The following CEP83 variants were observed in gnomAD, a reference collection of about 807,000 sequenced individuals.
CEP83 encodes centrosomal protein 83, also known as centrosomal protein of 83 kDa.
In CEP83, 70 loss-of-function variants were observed where a neutral mutation model predicts 101.9. The observed-to-expected ratio is 0.69, with a 90% CI of 0.57 to 0.84. The LOEUF (loss-of-function observed/expected upper bound fraction) is 0.84. Among genes scored for constraint, CEP83 ranks in the 40% least tolerant of loss-of-function variants. The probability of loss-of-function intolerance (pLI) is 0.00; values close to 1 mark genes in which losing one functional copy is unlikely to be tolerated. For synonymous variants in CEP83, 264 were observed against 267.9 expected, an observed-to-expected ratio of 0.99 and a Z score of 0.14; for missense variants, 715 against 787.2, an observed-to-expected ratio of 0.91 and a Z score of 1.10.
Position 94,365,380 on chromosome 12 carries a change from T to A in CEP83, c.1343+2414A>T, listed in dbSNP as rs187566269. Among the ~76,000 whole-genome samples the A allele has an allele frequency of 2.0e-5, 3 of 152,334 alleles. No individual in the cohort carries two copies. In the East Asian group the frequency reaches 5.8e-4, roughly 29 times the overall value. On this transcript the variant is annotated intron_variant, in intron 11 of 16. Coordinates refer to ENST00000397809, the MANE Select transcript of CEP83 (RefSeq NM_016122.3). The stretch of plus-strand genomic sequence containing the variant: ...ACAAAACTGCGTATGATTTACCTTT[T>A]GACCCACCTATTTACTTCAGGAATT...
intron 11 of CEP83, among the ~76,000 whole-genome samples, chr12:94,345,920 G>T (rs1402032431): frequency 6.6e-6 from 1 of 152,144 alleles, no homozygotes; most frequent in East Asian, 1.9e-4. Flanking sequence ...CCTCCAGACA[G>T]CTGAACTCAT....
intron 11 of CEP83, among the ~76,000 whole-genome samples, chr12:94,359,925 A>G (rs1173545432): frequency 6.6e-6 from 1 of 152,216 alleles, no homozygotes; most frequent in Non-Finnish European, 1.5e-5. Context: ...TAAAAAGATT[A>G]TTCACCATGA....
chr12:94,430,893 G>C (rs1401374353), intron 2 of CEP83, among the ~76,000 whole-genome samples: 2 of 152,088 alleles, frequency 1.3e-5, no homozygotes, highest in African/African-American at 4.8e-5. Flanking sequence ...ACAACACATA[G>C]ACTGAAAGTA....
At chr12:94,416,559 C>CAT (rs2064281640) in intron 2 of CEP83, among the ~76,000 whole-genome samples, 1 of 107,728 alleles carries the variant, frequency 9.3e-6, no homozygotes, top group South Asian at 3.0e-4. Flanking sequence ...CATACACACA[C>CAT]ACACACACAC....
At chr12:94,423,631 T>G in intron 2 of CEP83, 1 of 1,547,714 alleles carries the variant, frequency 6.5e-7, no homozygotes, top group Non-Finnish European at 8.7e-7. Flanking sequence ...TGTTAGTCCT[T>G]AGCAGGGCCG....
chr12:94,288,444 G>A, the CEP83 span, among the ~76,000 whole-genome samples: 1 of 152,216 alleles, frequency 6.6e-6, no homozygotes, highest in East Asian at 1.9e-4. Context: ...CAGTCTCAGG[G>A]CTATCACTAA....
intron 14 of CEP83, among the ~76,000 whole-genome samples, chr12:94,313,573 T>A (rs1281559879): frequency 1.4e-5 from 2 of 144,678 alleles, no homozygotes; most frequent in Non-Finnish European, 3.0e-5. Context: ...GCACAGTGGC[T>A]CACGCCTATA....
intron 9 of CEP83, chr12:94,369,637 T>C (rs986986001): frequency 8.9e-6 from 2 of 225,642 alleles, no homozygotes; most frequent in African/African-American, 2.3e-5. Context: ...ACACCATAAA[T>C]AGATTTAAAA....
In CEP83 at chr12:94,368,124, A is replaced by T; in HGVS notation, c.1126T>A (p.Leu376Ile). ...TTGGCAGCTTGTACTTTACGTATTA[A>T]TTCACGATCCTTTTCTACTAAGAGC... ...KVLLVEKDRE[L>I]IRKVQAAKEE... Residue 376 changes from leucine (L) to isoleucine (I), a missense_variant, in exon 10 of 17, where the codon TTA (leucine) becomes ATA (isoleucine). Physicochemically the swap from Leu to Ile is conservative, Grantham distance 5 (BLOSUM62 2). Coordinates refer to ENST00000397809, the MANE Select transcript of CEP83 (RefSeq NM_016122.3). 1 of 1,613,250 alleles carries T rather than the reference A, an allele frequency of 6.2e-7. No homozygotes were observed. Among genetic ancestry groups the T allele is most frequent in the Non-Finnish European group, 8.5e-7 (1 of 1,179,434 alleles).
intron 11 of CEP83, among the ~76,000 whole-genome samples, chr12:94,355,490 CAA>C (rs1003854493): frequency 6.7e-6 from 1 of 149,360 alleles, no homozygotes; most frequent in African/African-American, 2.5e-5. Flanking sequence ...GACTCCGTCT[CAA>C]AAAAAAAGAA....
intron 14 of CEP83, among the ~76,000 whole-genome samples, chr12:94,326,154 C>T (rs1239965044): frequency 6.6e-6 from 1 of 152,074 alleles, no homozygotes; most frequent in African/African-American, 2.4e-5. Context: ...TGAGAGCTTC[C>T]GGGCTGGTGA....
At chr12:94,425,992 G>A (rs1048505552) in intron 2 of CEP83, among the ~76,000 whole-genome samples, 3 of 152,026 alleles carry the variant, frequency 2.0e-5, no homozygotes, top group Non-Finnish European at 4.4e-5. Context: ...CGTGGTGACA[G>A]GCGCCTGTAG....
the CEP83 span, among the ~76,000 whole-genome samples, chr12:94,286,689 T>A: frequency 2.7e-5 from 4 of 148,706 alleles, no homozygotes; most frequent in Non-Finnish European, 5.9e-5. Flanking sequence ...TGAATCAGAC[T>A]CACCTCCCTC....
chr12:94,445,102 T>C (rs1388071884), intron 1 of CEP83, among the ~76,000 whole-genome samples: 1 of 151,132 alleles, frequency 6.6e-6, no homozygotes, highest in Non-Finnish European at 1.5e-5. Context: ...GCCATAGAAA[T>C]GAAAACTATG....
chr12:94,324,812 C>T (rs2058899716), intron 14 of CEP83, among the ~76,000 whole-genome samples: 1 of 152,060 alleles, frequency 6.6e-6, no homozygotes, highest in Admixed American at 6.5e-5. Flanking sequence ...CCTATTCTGC[C>T]CCTCTACACA....
the CEP83 span, chr12:94,279,392 C>G: frequency 4.7e-6 from 6 of 1,271,904 alleles, no homozygotes; most frequent in African/African-American, 8.9e-5. Context: ...GTGGGACTTG[C>G]TAAGGTTTGT....
At chr12:94,399,321 C>A (rs1223880979) in intron 6 of CEP83, among the ~76,000 whole-genome samples, 1 of 152,204 alleles carries the variant, frequency 6.6e-6, no homozygotes, top group Non-Finnish European at 1.5e-5. Context: ...CCGGCCAACA[C>A]TTACAGAAAA....
At chr12:94,340,039 A>T (rs2059612197) in intron 11 of CEP83, among the ~76,000 whole-genome samples, 1 of 152,208 alleles carries the variant, frequency 6.6e-6, no homozygotes, top group African/African-American at 2.4e-5. Context: ...ATTAAATGAT[A>T]GTTTTTTGGT....
intron 6 of CEP83, among the ~76,000 whole-genome samples, chr12:94,383,609 T>C (rs2061970207): frequency 6.6e-6 from 1 of 152,258 alleles, no homozygotes; most frequent in African/African-American, 2.4e-5. Context: ...ATATCTGTAT[T>C]TTAATTCATG....
Sources: allele counts gnomAD v4.1 joint callset (sites outside exome capture counted in the v4.1 genomes callset), GRCh38; gene constraint gnomAD v4.1.1; transcripts MANE v1.5; gene names NCBI Gene and HGNC (gene_info 2026-07-23, HGNC 2026-07-21).